Variants in DCANP1 observed in about 807,000 individuals in gnomAD.
DCANP1 encodes the protein dendritic cell associated nuclear protein 1, also known as dendritic cell nuclear protein 1.
For missense variants in DCANP1, 328 were observed against 293.7 expected, an observed-to-expected ratio of 1.12 and a Z score of -0.85; for synonymous variants, 139 against 124.2, an observed-to-expected ratio of 1.12 and a Z score of -0.79.
In DCANP1 at chr5:135,444,846, G is replaced by A. The variant is rs1028442976; in HGVS notation, c.*1528C>T. Reference sequence around the variant, plus strand: ...TAGGGAAATATTCCCTCAGTGTCCTGCTGTGAAACTGTTAAAGCCACCCAT... The same window carrying A: ...TAGGGAAATATTCCCTCAGTGTCCTACTGTGAAACTGTTAAAGCCACCCAT... On this transcript the variant is annotated 3_prime_UTR_variant, in exon 1 of 1. Coordinates refer to ENST00000503143, the MANE Select transcript of DCANP1 (RefSeq NM_130848.3). 1 of 152,290 alleles carries A rather than the reference G, an allele frequency of 6.6e-6. No individual in the cohort carries two copies. The highest frequency in any genetic ancestry group is 2.4e-5 in the African/African-American group (1 of 41,460). 9.4% of individuals were successfully genotyped at this position (152,290 alleles called of 1,614,324 possible). A position where few individuals can be genotyped will look rare whatever the true frequency, so the allele number is the denominator to read the frequency against.
rs774488650 is a variant in DCANP1 at position 135,446,879 on chromosome 5, G to A, written c.230C>T (p.Pro77Leu). The change falls in exon 1 of 1, where the codon CCA becomes CTA. Residue 77 changes from proline to leucine, a missense_variant. Pro to Leu is a moderately conservative substitution (Grantham distance 98). Transcript: ENST00000503143. ...TGCCCCCTCTCGCAGGACCCCAGCT[G>A]GCAAGGTTTTGTTCCTCCCTGGAGG... is the stretch of plus-strand genomic sequence containing the variant. ...LYPPGRNKTL[P>L]AGVLREGAVQ... The A allele has an allele frequency of 2.0e-5, 32 of 1,613,858 alleles. No homozygotes were observed. The Admixed American group carries it at 5.2e-4, about 26-fold the overall frequency.
In DCANP1 at chr5:135,446,833, T is replaced by C. The variant is rs1769275613; in HGVS notation, c.276A>G (p.Gly92=). The change falls in exon 1 of 1, where the codon GGA becomes GGG. Residue 92 remains glycine, a synonymous_variant. Coordinates refer to ENST00000503143, the MANE Select transcript of DCANP1 (RefSeq NM_130848.3). ...REGAVQFLHR[G]LCNSNLSSEA... is the part of the protein sequence containing the mutation. Reference sequence around the variant, plus strand: ...CACTCGAAAGATTGGAGTTGCAGAGTCCCCTGTGGAGGAATTGAACTGCCC... The same window carrying C: ...CACTCGAAAGATTGGAGTTGCAGAGCCCCCTGTGGAGGAATTGAACTGCCC... 1 of 1,613,630 alleles carries C rather than the reference T, an allele frequency of 6.2e-7. No homozygotes were observed. Among genetic ancestry groups the C allele is most frequent in the Non-Finnish European group, 8.5e-7 (1 of 1,179,808 alleles).
In DCANP1 at chr5:135,446,492, T is replaced by C. The variant is rs758084071; in HGVS notation, c.617A>G (p.His206Arg). ...GCAGGTGAGGGATAGTGATATCAAG[T>C]GCGAAGACCAGGCCCTGAAGCCAGC... ...RQAGFRAWSS[H>R]LISLSLTCSD... Residue 206 changes from histidine (H) to arginine (R), a missense_variant, in exon 1 of 1, where the codon CAC becomes CGC. His to Arg is a conservative substitution (Grantham distance 29). Coordinates refer to ENST00000503143, the MANE Select transcript of DCANP1 (RefSeq NM_130848.3). The C allele has an allele frequency of 1.9e-5, 31 of 1,613,872 alleles. No homozygotes were observed. The Admixed American group carries it at 4.2e-4, about 22-fold the overall frequency.
rs977884305 is a variant in DCANP1, at chr5:135,445,620, C to A, written c.*754G>T. On this transcript the variant is annotated 3_prime_UTR_variant, in exon 1 of 1. Transcript: ENST00000503143. ...GGAAAGGCCACCGGGAACACAAGAG[C>A]CAACAACCCATGGCCTTTGTCTGCA... 2.6e-5 allele frequency: 4 copies of A among 152,358 alleles called. No individual in the cohort carries two copies. The highest frequency in any genetic ancestry group is 4.8e-5 in the African/African-American group (2 of 41,468). 9.4% of individuals were successfully genotyped at this position (152,358 alleles called of 1,614,324 possible). A position where few individuals can be genotyped will look rare whatever the true frequency, so the allele number is the denominator to read the frequency against.
chr5:135,444,735 CTATT>C lies in DCANP1; in HGVS notation c.*1635_*1638del, dbSNP rs1369216020. On this transcript the variant is annotated 3_prime_UTR_variant, in exon 1 of 1. Transcript: ENST00000503143. ...GTTCTCAGTTCCCATTCCAGCTCTG[CTATT>C]TAGACACCGGGAGACCTGGAAACAG... 1 of 152,270 alleles carries C rather than the reference CTATT, an allele frequency of 6.6e-6. No individual in the cohort carries two copies. The highest frequency in any genetic ancestry group is 2.4e-5 in the African/African-American group (1 of 41,470). 9.4% of individuals were successfully genotyped at this position (152,270 alleles called of 1,614,324 possible). A position where few individuals can be genotyped will look rare whatever the true frequency, so the allele number is the denominator to read the frequency against.
At position 135,446,286 on chromosome 5, in the gene DCANP1, C is replaced by A. The variant is rs1042328073; in HGVS notation, c.*88G>T. Reference sequence around the variant, plus strand: ...CCAGGCAGCAGTCTGACCAGAGGGCCCTAGCTGGGAGCAGCGTTCATGTGC... The same window carrying A: ...CCAGGCAGCAGTCTGACCAGAGGGCACTAGCTGGGAGCAGCGTTCATGTGC... On this transcript the variant is annotated 3_prime_UTR_variant, in exon 1 of 1. Transcript: ENST00000503143. 6.7e-7 allele frequency: 1 copy of A among 1,484,134 alleles called. No individual in the cohort carries two copies. The highest frequency in any genetic ancestry group is 9.0e-7 in the Non-Finnish European group (1 of 1,105,088). The allele number at this position is 1,484,134 out of a possible 1,614,324, so 91.9% of individuals were successfully genotyped here.
rs1769278416 is a variant in DCANP1, at chr5:135,446,942, A to G, written c.167T>C (p.Leu56Pro). The change falls in exon 1 of 1, where the codon CTG becomes CCG. Residue 56 changes from leucine (L) to proline (P), a missense_variant. Transcript: ENST00000503143. Reference sequence around the variant, plus strand: ...ACTGAGGCCCTGGAGAGGGGCACTCAGGGGCAGCAGCTCATTCCCAAAGTT... The same window carrying G: ...ACTGAGGCCCTGGAGAGGGGCACTCGGGGGCAGCAGCTCATTCCCAAAGTT... ...PENFGNELLP[L>P]SAPLQGLSEG... is the part of the protein sequence containing the mutation. The G allele has an allele frequency of 1.9e-6, 3 of 1,612,664 alleles. No homozygotes were observed. Among genetic ancestry groups the G allele is most frequent in the Non-Finnish European group, 2.5e-6 (3 of 1,179,254 alleles).
chr5:135,446,262 C>G lies in DCANP1; in HGVS notation c.*112G>C. ...GGGGGTGGGGACAAGAATTCTAACC[C>G]AGGCAGCAGTCTGACCAGAGGGCCC... On this transcript the variant is annotated 3_prime_UTR_variant, in exon 1 of 1. Coordinates refer to ENST00000503143, the MANE Select transcript of DCANP1 (RefSeq NM_130848.3). The G allele has an allele frequency of 7.4e-7, 1 of 1,345,484 alleles. No homozygotes were observed. The highest frequency in any genetic ancestry group is 2.3e-5 in the East Asian group (1 of 42,848). 83.3% of individuals were successfully genotyped at this position (1,345,484 alleles called of 1,614,324 possible).
At position 135,446,031 on chromosome 5, in the gene DCANP1, C is replaced by T; in HGVS notation, c.*343G>A. The T allele has an allele frequency of 4.9e-6, 1 of 203,720 alleles. No homozygotes were observed. The highest frequency in any genetic ancestry group is 1.1e-4 in the South Asian group (1 of 8,952). The allele number at this position is 203,720 out of a possible 1,614,324, so 12.6% of individuals were successfully genotyped here. A position where few individuals can be genotyped will look rare whatever the true frequency, so the allele number is the denominator to read the frequency against. ...TAGACTGGGTCCATGTGCCTACATG[C>T]ATTCAGTTCCTCCCACCAAACTGGA... On this transcript the variant is annotated 3_prime_UTR_variant, in exon 1 of 1. Transcript: ENST00000503143.
At position 135,446,999 on chromosome 5, in the gene DCANP1, A is replaced by G. The variant is rs544365224; in HGVS notation, c.110T>C (p.Phe37Ser). The G allele has an allele frequency of 7.4e-6, 12 of 1,613,540 alleles. No homozygotes were observed. The highest frequency in any genetic ancestry group is 1.6e-4 in the Middle Eastern group (1 of 6,062). ...TGGAGCTGGGGAGTGGCACCCTGGGAACTCTGGGGTTTCCCCACCAGCTCC... is the reference window on the plus strand; with the variant it reads ...TGGAGCTGGGGAGTGGCACCCTGGGGACTCTGGGGTTTCCCCACCAGCTCC... ...ERGAGGETPEFPGCHSPAPPE... is the reference protein window; with the variant it reads ...ERGAGGETPESPGCHSPAPPE... Residue 37 changes from phenylalanine to serine, a missense_variant, in exon 1 of 1, where the codon TTC becomes TCC. Physicochemically the swap from Phe to Ser is radical, Grantham distance 155. Coordinates refer to ENST00000503143, the MANE Select transcript of DCANP1 (RefSeq NM_130848.3).
rs1769232298 is a variant in DCANP1 at position 135,445,126 on chromosome 5, T to C, written c.*1248A>G. The C allele has an allele frequency of 6.6e-6, 1 of 152,090 alleles. No individual in the cohort carries two copies. The highest frequency in any genetic ancestry group is 2.1e-4 in the South Asian group (1 of 4,824). The allele number at this position is 152,090 out of a possible 1,614,324, so 9.4% of individuals were successfully genotyped here. On this transcript the variant is annotated 3_prime_UTR_variant, in exon 1 of 1. Transcript: ENST00000503143. ...CCTCAGAGCCCCTCCAGGGTCTCCT[T>C]GGCAGGGGCTGTCCCCTATGAGCCT...
In DCANP1 at chr5:135,446,713, C is replaced by T; in HGVS notation, c.396G>A (p.Leu132=). 6.2e-7 allele frequency: 1 copy of T among 1,613,858 alleles called. No individual in the cohort carries two copies. The highest frequency in any genetic ancestry group is 8.5e-7 in the Non-Finnish European group (1 of 1,179,778). The change falls in exon 1 of 1, where the codon CTG becomes CTA. Residue 132 remains leucine (L), a synonymous_variant. Coordinates refer to ENST00000503143, the MANE Select transcript of DCANP1 (RefSeq NM_130848.3). The part of the protein sequence containing the change: ...QTRREGARKH[L]VCSFRLYPFT... ...ACGGGTAGAGTCTGAAACTACAAAC[C>T]AGATGTTTCCGGGCTCCCTCCCGCC...
chr5:135,446,805 C>T lies in DCANP1; in HGVS notation c.304G>A (p.Ala102Thr), dbSNP rs768734420. Residue 102 changes from alanine (A) to threonine (T), a missense_variant, in exon 1 of 1, where the codon GCA (alanine) becomes ACA (threonine). Ala to Thr is a moderately conservative substitution (Grantham distance 58). Coordinates refer to ENST00000503143, the MANE Select transcript of DCANP1 (RefSeq NM_130848.3). ...TGGGTCCCTGAGGGCCTCGCAGATG[C>T]TTCACTCGAAAGATTGGAGTTGCAG... Reference protein sequence around the residue: ...GLCNSNLSSEASARPSGTQDE... With the variant: ...GLCNSNLSSETSARPSGTQDE... 6.2e-7 allele frequency: 1 copy of T among 1,613,954 alleles called. No homozygotes were observed. The highest frequency in any genetic ancestry group is 8.5e-7 in the Non-Finnish European group (1 of 1,179,826).
At position 135,446,539 on chromosome 5, in the gene DCANP1, A is replaced by T. The variant is rs1481376902; in HGVS notation, c.570T>A (p.Ser190=). The T allele has an allele frequency of 1.2e-6, 2 of 1,613,960 alleles. No individual in the cohort carries two copies. Among genetic ancestry groups the T allele is most frequent in the South Asian group, 1.1e-5 (1 of 91,086 alleles). Reference sequence around the variant, plus strand: ...CAGCCTGACGGTTCCAGCTGTTAGGAGAAAGTGAAGGTGGGTGCCATGGAT... The same window carrying T: ...CAGCCTGACGGTTCCAGCTGTTAGGTGAAAGTGAAGGTGGGTGCCATGGAT... The part of the protein sequence containing the change: ...SSDPWHPPSL[S]PNSWNRQAGF... The change falls in exon 1 of 1, where the codon TCT becomes TCA. Residue 190 remains serine (S), a synonymous_variant. Transcript: ENST00000503143.
chr5:135,446,887 T>G lies in DCANP1; in HGVS notation c.222A>C (p.Lys74Asn). The stretch of plus-strand genomic sequence containing the variant: ...CTCGCAGGACCCCAGCTGGCAAGGT[T>G]TTGTTCCTCCCTGGAGGGTAGAGAC... ...SEGLYPPGRN[K>N]TLPAGVLREG... is the part of the protein sequence containing the mutation. Residue 74 changes from lysine (K) to asparagine (N), a missense_variant, in exon 1 of 1, where the codon AAA (lysine) becomes AAC (asparagine). Transcript: ENST00000503143. 6.2e-7 allele frequency: 1 copy of G among 1,613,646 alleles called. No homozygotes were observed. Among genetic ancestry groups the G allele is most frequent in the East Asian group, 2.2e-5 (1 of 44,868 alleles).
In DCANP1 at chr5:135,445,506, G is replaced by A. The variant is rs1428735408; in HGVS notation, c.*868C>T. Reference sequence around the variant, plus strand: ...TCGCACTGCCCATGCCGGGCCTGAGGGGCCTGGCTCAGACTTTAGTATCCA... The same window carrying A: ...TCGCACTGCCCATGCCGGGCCTGAGAGGCCTGGCTCAGACTTTAGTATCCA... On this transcript the variant is annotated 3_prime_UTR_variant, in exon 1 of 1. Coordinates refer to ENST00000503143, the MANE Select transcript of DCANP1 (RefSeq NM_130848.3). The A allele has an allele frequency of 6.6e-6, 1 of 152,400 alleles. No homozygotes were observed. Among genetic ancestry groups the A allele is most frequent in the Non-Finnish European group, 1.5e-5 (1 of 68,212 alleles). The allele number at this position is 152,400 out of a possible 1,614,324, so 9.4% of individuals were successfully genotyped here. A position where few individuals can be genotyped will look rare whatever the true frequency, so the allele number is the denominator to read the frequency against.
the DCANP1 span, chr5:135,446,432 TGGGA>T: frequency 6.2e-7 from 1 of 1,612,698 alleles, no homozygotes; most frequent in Non-Finnish European, 8.5e-7. Flanking sequence ...TGGAGGTTGT[TGGGA>T]GGAACTCACC....
At position 135,446,492 on chromosome 5, in the gene DCANP1, T is replaced by G; in HGVS notation, c.617A>C (p.His206Pro). ...GCAGGTGAGGGATAGTGATATCAAG[T>G]GCGAAGACCAGGCCCTGAAGCCAGC... The part of the protein sequence containing the change: ...RQAGFRAWSS[H>P]LISLSLTCSD... Residue 206 changes from histidine to proline, a missense_variant, in exon 1 of 1, where the codon CAC becomes CCC. By Grantham distance (77) the His-to-Pro change is moderately conservative (BLOSUM62 -2). Coordinates refer to ENST00000503143, the MANE Select transcript of DCANP1 (RefSeq NM_130848.3). The G allele has an allele frequency of 6.2e-7, 1 of 1,613,990 alleles. No individual in the cohort carries two copies. Among genetic ancestry groups the G allele is most frequent in the South Asian group, 1.1e-5 (1 of 91,086 alleles).
At position 135,446,692 on chromosome 5, in the gene DCANP1, G is replaced by A. The variant is rs1348129788; in HGVS notation, c.417C>T (p.Tyr139=). 2.5e-6 allele frequency: 4 copies of A among 1,613,726 alleles called. No homozygotes were observed. In the East Asian group the frequency reaches 6.7e-5, roughly 27 times the overall value. ...RKHLVCSFRL[Y]PFTVHTVSPG... ...GTGAGACTGTGTGAACTGTGAACGG[G>A]TAGAGTCTGAAACTACAAACCAGAT... Residue 139 remains tyrosine, a synonymous_variant, in exon 1 of 1, where the codon TAC becomes TAT. Coordinates refer to ENST00000503143, the MANE Select transcript of DCANP1 (RefSeq NM_130848.3).
Sources: gnomAD v4.1 joint callset for allele counts on GRCh38, gnomAD v4.1.1 for gene constraint, MANE v1.5 for transcripts, NCBI Gene and HGNC (gene_info 2026-07-23, HGNC 2026-07-21) for gene names.